Variants in ESRRG observed in about 807,000 individuals in gnomAD.
ESRRG encodes estrogen-related receptor gamma.
In ESRRG, 13 loss-of-function variants were observed where a neutral mutation model predicts 44.0. That is an observed-to-expected ratio of 0.30 (90% CI 0.19 to 0.47). The LOEUF (loss-of-function observed/expected upper bound fraction) is 0.47. Ranked by LOEUF, ESRRG falls within the 20% of genes least tolerant of loss-of-function variation. ESRRG has a pLI of 1.00. For synonymous variants in ESRRG, 215 were observed against 214.6 expected (o/e 1.00, Z -0.02); for missense variants, 395 against 580.6 (o/e 0.68, Z 3.29).
At chr1:216,768,480 A>ATCTATCTATCATCTG (rs1553593174) in intron 2 of ESRRG, among the ~76,000 whole-genome samples, 1 of 150,170 alleles carries the variant, frequency 6.7e-6, no homozygotes, top group Non-Finnish European at 1.5e-5. Context: ...CTATCTATCT[A>ATCTATCTATCATCTG]TCTATCTATC....
In ESRRG at chr1:217,128,009, C is replaced by T. The variant is rs187648708; in HGVS notation, c.-230+9658G>A. Among the ~76,000 whole-genome samples the T allele has an allele frequency of 1.7e-3, 261 of 152,276 alleles. 1 individual carries two copies. Among genetic ancestry groups the T allele is most frequent in the African/African-American group, 6.0e-3 (251 of 41,546 alleles). On this transcript the variant is annotated intron_variant, in intron 1 of 8. Transcript: ENST00000366940. The stretch of plus-strand genomic sequence containing the variant: ...TCCCTCAGATGTTTTCAGGTGACAG[C>T]CACACATGTGCTCGCTGGCCACGCA...
chr1:216,756,047 C>A (rs951286413), intron 2 of ESRRG, among the ~76,000 whole-genome samples: 6 of 151,856 alleles, frequency 4.0e-5, no homozygotes, highest in African/African-American at 1.5e-4. Flanking sequence ...GCTGTTGTAC[C>A]CCAGATAAAT....
At chr1:217,041,543 G>A (rs2083870145) in intron 1 of ESRRG, among the ~76,000 whole-genome samples, 1 of 152,128 alleles carries the variant, frequency 6.6e-6, no homozygotes, top group South Asian at 2.1e-4. Context: ...CAGTAAAGAA[G>A]CTAGCTATGC....
intron 2 of ESRRG, among the ~76,000 whole-genome samples, chr1:216,673,404 T>C (rs1470862324): frequency 6.6e-6 from 1 of 152,234 alleles, no homozygotes. Flanking sequence ...GCTAGCAGGG[T>C]AGCCTCACCA....
chr1:216,737,906 C>T (rs2090167055), intron 2 of ESRRG, among the ~76,000 whole-genome samples: 1 of 151,764 alleles, frequency 6.6e-6, no homozygotes, highest in South Asian at 2.1e-4. Context: ...ACATACAGCC[C>T]ACAAAAACTA....
intron 3 of ESRRG, among the ~76,000 whole-genome samples, chr1:216,596,248 C>A (rs1395893498): frequency 1.3e-5 from 2 of 152,172 alleles, no homozygotes; most frequent in African/African-American, 4.8e-5. Flanking sequence ...AGCTTTTCAT[C>A]TTCAGGGCTT....
At chr1:216,544,994 G>T (rs948387709) in intron 5 of ESRRG, among the ~76,000 whole-genome samples, 1 of 151,866 alleles carries the variant, frequency 6.6e-6, no homozygotes, top group East Asian at 1.9e-4. Context: ...TCAAGTAATT[G>T]CCTGGTATTT....
chr1:216,506,929 G>C lies in ESRRG; in HGVS notation c.*10C>G, dbSNP rs3768021. 3.2e-4 allele frequency: 510 copies of C among 1,611,218 alleles called. 5 individuals are homozygous for C. The East Asian group carries it at 0.011, about 35-fold the overall frequency. Reference sequence around the variant, plus strand: ...AACATGAAGGATGGGAAGGCCCAGGGAGCTTTTAGTCAGACCTTGGCCTCC... The same window carrying C: ...AACATGAAGGATGGGAAGGCCCAGGCAGCTTTTAGTCAGACCTTGGCCTCC... On this transcript the variant is annotated 3_prime_UTR_variant, in exon 7 of 7. Coordinates refer to ENST00000408911, the MANE Select transcript of ESRRG (RefSeq NM_001438.4).
intron 2 of ESRRG, among the ~76,000 whole-genome samples, chr1:216,765,199 C>A (rs6693633): frequency 0.51 from 76,683 of 151,746 alleles, 19,799 homozygotes; most frequent in South Asian, 0.66. Flanking sequence ...GATGTCTGGC[C>A]TGGAAGAGAA....
intron 1 of ESRRG, among the ~76,000 whole-genome samples, chr1:217,100,435 C>T (rs1041062684): frequency 6.6e-6 from 1 of 152,204 alleles, no homozygotes; most frequent in Non-Finnish European, 1.5e-5. Context: ...TCCAATCCTA[C>T]TTATCCCTCA....
chr1:217,081,516 C>T lies in ESRRG; in HGVS notation c.-106+7991G>A, dbSNP rs374019248. ...TGCTGGGATCACAGGTGTGAGCCGCCGTGCCAGGCCAAAAATATTCCTAAA... is the reference window on the plus strand; with the variant it reads ...TGCTGGGATCACAGGTGTGAGCCGCTGTGCCAGGCCAAAAATATTCCTAAA... On this transcript the variant is annotated intron_variant, in intron 1 of 7. Coordinates refer to the ESRRG transcript ENST00000359162. Among the ~76,000 whole-genome samples, 345 of 152,130 alleles carry T rather than the reference C, an allele frequency of 2.3e-3. 2 individuals carry two copies. Among genetic ancestry groups the T allele is most frequent in the African/African-American group, 7.9e-3 (327 of 41,520 alleles).
chr1:217,069,025 G>C (rs1345488819), intron 1 of ESRRG, among the ~76,000 whole-genome samples: 1 of 152,194 alleles, frequency 6.6e-6, no homozygotes, highest in Non-Finnish European at 1.5e-5. Flanking sequence ...TTGGATTCAA[G>C]GATGCAAAGT....
At chr1:216,817,262 G>A (rs2095168221) in intron 2 of ESRRG, among the ~76,000 whole-genome samples, 1 of 152,100 alleles carries the variant, frequency 6.6e-6, no homozygotes, top group South Asian at 2.1e-4. Flanking sequence ...AACTCAATCT[G>A]TGGTCTTAAA....
chr1:216,927,300 C>T (rs1224010315), intron 2 of ESRRG, among the ~76,000 whole-genome samples: 2 of 152,246 alleles, frequency 1.3e-5, no homozygotes, highest in South Asian at 2.1e-4. Context: ...TTAGAAGGGA[C>T]CTGCCTGCTA....
chr1:216,648,482 T>C lies in ESRRG; in HGVS notation c.589+2491A>G, dbSNP rs375440530. Among the ~76,000 whole-genome samples the C allele has an allele frequency of 1.2e-4, 19 of 152,278 alleles. No homozygotes were observed. In the South Asian group the frequency reaches 3.7e-3, roughly 30 times the overall value. On this transcript the variant is annotated intron_variant, in intron 3 of 6. Transcript: ENST00000408911. ...CAACTGAAGAGGTGTGAATTATAGA[T>C]AAGCACTGTCCCATTCACTTTCACC...
chr1:217,033,951 G>A (rs1053631935), intron 1 of ESRRG, among the ~76,000 whole-genome samples: 3 of 152,174 alleles, frequency 2.0e-5, no homozygotes, highest in African/African-American at 4.8e-5. Flanking sequence ...GATTGGAGCC[G>A]AGGCCTCCAT....
At chr1:216,615,967 T>C (rs528004548) in intron 3 of ESRRG, among the ~76,000 whole-genome samples, 3 of 152,204 alleles carry the variant, frequency 2.0e-5, no homozygotes, top group African/African-American at 7.2e-5. Context: ...ATTACAGGCG[T>C]GAGCACCAGG....
intron 1 of ESRRG, among the ~76,000 whole-genome samples, chr1:216,682,709 A>AGTGTGTGTGTGTGTGT (rs72420221): frequency 0.053 from 7,659 of 144,630 alleles, 635 homozygotes; most frequent in African/African-American, 0.18. Flanking sequence ...AATACTCTAT[A>AGTGTGTGTGTGTGTGT]GTGTGTGTGT....
intron 2 of ESRRG, among the ~76,000 whole-genome samples, chr1:216,820,920 T>A (rs556858819): frequency 2.0e-5 from 3 of 152,346 alleles, no homozygotes; most frequent in East Asian, 3.9e-4. Context: ...ATCCTCTTTA[T>A]GGTTGCACGA....
Sources: gnomAD v4.1 joint callset for allele counts (sites outside exome capture counted in the v4.1 genomes callset) on GRCh38, gnomAD v4.1.1 for gene constraint, MANE v1.5 for transcripts, NCBI Gene and HGNC (gene_info 2026-07-23, HGNC 2026-07-21) for gene names.